Variants in DAOA observed in about 807,000 individuals in gnomAD.
The protein encoded by DAOA is D-amino acid oxidase activator.
In DAOA, 15 loss-of-function variants were observed where a neutral mutation model predicts 16.4. That is an observed-to-expected ratio of 0.91 (90% CI 0.61 to 1.41). The LOEUF is 1.41. Among genes scored for constraint, DAOA ranks in the 40% most tolerant of loss-of-function variants. DAOA has a pLI of 0.00. For missense variants in DAOA, 230 were observed against 176.8 expected (o/e 1.30, Z -1.71); for synonymous variants, 75 against 59.1 (o/e 1.27, Z -1.23).
At chr13:105,467,245 A>C in intron 3 of DAOA, 104 bp downstream of exon 3, 1 of 1,241,116 alleles carries the variant, frequency 8.1e-7, no homozygotes, top group Non-Finnish European at 1.1e-6. Flanking sequence ...AGCGTAGACA[A>C]ACTTCAATTA....
intron 4 of DAOA, among the ~76,000 whole-genome samples, chr13:105,487,900 T>G (rs775181354): frequency 4.6e-4 from 70 of 152,180 alleles, no homozygotes; most frequent in Non-Finnish European, 9.4e-4. Context: ...TAAAAAGCCA[T>G]TTCTTTGAGA....
At chr13:105,486,803 A>G (rs545311834) in intron 4 of DAOA, among the ~76,000 whole-genome samples, 1 of 152,086 alleles carries the variant, frequency 6.6e-6, no homozygotes, top group African/African-American at 2.4e-5. Flanking sequence ...ATTTTTTACT[A>G]AAGATGAGGT....
chr13:105,479,362 T>G (rs1877553317), intron 4 of DAOA, among the ~76,000 whole-genome samples: 1 of 152,200 alleles, frequency 6.6e-6, no homozygotes, highest in South Asian at 2.1e-4. Flanking sequence ...CTCTAGGGCT[T>G]TGTATTAGCT....
At position 105,472,684 on chromosome 13, in the gene DAOA, GA is replaced by G. The variant is rs762609736; in HGVS notation, c.281del (p.Glu94GlyfsTer5). 2 of 1,608,582 alleles carry G rather than the reference GA, an allele frequency of 1.2e-6. No individual in the cohort carries two copies. Among genetic ancestry groups the G allele is most frequent in the Non-Finnish European group, 1.7e-6 (2 of 1,177,766 alleles). ...CTCTTACCTTCCTCAGCCCTATGCA[GA>G]GTATGTATCTTCTTCATTTTAAACT... ...WVSYLPQPYA[E>X]LEEVSSHVGK... On this transcript the variant is annotated frameshift_variant and splice_region_variant, in exon 4 of 6. Coordinates refer to ENST00000375936, the MANE Select transcript of DAOA (RefSeq NM_172370.5). LOFTEE classifies it high-confidence loss of function.
intron 4 of DAOA, among the ~76,000 whole-genome samples, chr13:105,480,797 G>A (rs1446051165): frequency 2.0e-5 from 3 of 152,118 alleles, no homozygotes; most frequent in Non-Finnish European, 4.4e-5. Flanking sequence ...AGGGAATGAA[G>A]AGTAAGTTCC....
chr13:105,484,223 C>T (rs543361235), intron 4 of DAOA, among the ~76,000 whole-genome samples: 1 of 151,872 alleles, frequency 6.6e-6, no homozygotes, highest in Admixed American at 6.6e-5. Flanking sequence ...CTATTTTATC[C>T]TATTGATTTG....
intron 4 of DAOA, among the ~76,000 whole-genome samples, chr13:105,484,395 A>G (rs558229838): frequency 6.6e-6 from 1 of 152,274 alleles, no homozygotes; most frequent in East Asian, 1.9e-4. Context: ...CAGGGAAGCT[A>G]TAGATGAATT....
At chr13:105,480,958 G>A (rs893243146) in intron 4 of DAOA, among the ~76,000 whole-genome samples, 2 of 152,064 alleles carry the variant, frequency 1.3e-5, no homozygotes, top group Non-Finnish European at 2.9e-5. Flanking sequence ...AAACATCCTC[G>A]CAGAAACACC....
chr13:105,489,768 C>A, intron 4 of DAOA, 133 bp from the exon 5 acceptor site: 3 of 1,584,726 alleles, frequency 1.9e-6, no homozygotes, highest in Non-Finnish European at 2.6e-6. Flanking sequence ...ATTTGTATAA[C>A]CCCTTACCCT....
intron 4 of DAOA, among the ~76,000 whole-genome samples, chr13:105,489,230 T>C (rs1329707280): frequency 6.6e-6 from 1 of 152,204 alleles, no homozygotes; most frequent in Admixed American, 6.6e-5. Flanking sequence ...TCAAGTTTAA[T>C]ATCAGGTTTA....
intron 4 of DAOA, among the ~76,000 whole-genome samples, chr13:105,480,053 A>G (rs1388975120): frequency 3.3e-5 from 5 of 152,214 alleles, no homozygotes; most frequent in Non-Finnish European, 7.3e-5. Flanking sequence ...AAAATAGGTC[A>G]GAATAATAGG....
At chr13:105,482,513 T>G (rs961830338) in intron 4 of DAOA, among the ~76,000 whole-genome samples, 3 of 151,340 alleles carry the variant, frequency 2.0e-5, no homozygotes, top group East Asian at 1.9e-4. Context: ...TAAGTTTTTT[T>G]TTTTTTTTTT....
chr13:105,483,757 T>C (rs544778070), intron 4 of DAOA, among the ~76,000 whole-genome samples: 11 of 152,126 alleles, frequency 7.2e-5, no homozygotes, highest in Non-Finnish European at 1.6e-4. Context: ...AGATATAACC[T>C]TTGTAAATCT....
intron 4 of DAOA, among the ~76,000 whole-genome samples, chr13:105,489,483 G>A (rs117929384): frequency 1.7e-3 from 264 of 152,290 alleles, no homozygotes; most frequent in East Asian, 9.3e-3. Context: ...GAGTATATCT[G>A]TATTTTTAAA....
At chr13:105,480,034 C>T (rs770193651) in intron 4 of DAOA, among the ~76,000 whole-genome samples, 1 of 151,946 alleles carries the variant, frequency 6.6e-6, no homozygotes, top group African/African-American at 2.4e-5. Flanking sequence ...TAAAAGTACC[C>T]CTGAAAATAA....
chr13:105,479,966 T>C (rs957235153), intron 4 of DAOA, among the ~76,000 whole-genome samples: 2 of 152,176 alleles, frequency 1.3e-5, no homozygotes, highest in Non-Finnish European at 2.9e-5. Context: ...GATAAATCAA[T>C]TGGAAGACAT....
At chr13:105,466,497 T>G in intron 2 of DAOA, 165 bp downstream of exon 2, 1 of 1,161,562 alleles carries the variant, frequency 8.6e-7, no homozygotes, top group Non-Finnish European at 1.2e-6. Flanking sequence ...TTCTCCCATA[T>G]TCTGTCAGTC....
chr13:105,482,788 G>A (rs977826512), intron 4 of DAOA, among the ~76,000 whole-genome samples: 3 of 152,092 alleles, frequency 2.0e-5, no homozygotes, highest in African/African-American at 7.2e-5. Context: ...TTACAGGCAT[G>A]AGCCACTGCT....
At chr13:105,466,706 T>C (rs550640883) in intron 2 of DAOA, among the ~76,000 whole-genome samples, 23 of 152,276 alleles carry the variant, frequency 1.5e-4, no homozygotes, top group African/African-American at 5.5e-4. Flanking sequence ...TAGCACTGTG[T>C]AGAACTGGGA....
Sources: allele counts gnomAD v4.1 joint callset (sites outside exome capture counted in the v4.1 genomes callset), GRCh38; gene constraint gnomAD v4.1.1; transcripts MANE v1.5; gene names NCBI Gene and HGNC (gene_info 2026-07-23, HGNC 2026-07-21).